The following TNN variants were observed in gnomAD, a reference collection of about 807,000 sequenced individuals.
The protein encoded by TNN is tenascin N, also known as tenascin-N.
TNN carries 122 observed loss-of-function variants against 134.4 expected under a neutral mutation model. That is an observed-to-expected ratio of 0.91 (90% CI 0.78 to 1.06). TNN has a LOEUF of 1.06. Ranked by LOEUF, TNN falls within the 50% of genes least tolerant of loss-of-function variation. The probability of loss-of-function intolerance (pLI) is 0.00; values close to 1 mark genes in which losing one functional copy is unlikely to be tolerated. For synonymous variants in TNN, 710 were observed against 670.3 expected (o/e 1.06, Z -0.91); for missense variants, 1,739 against 1,699.4 (o/e 1.02, Z -0.41).
In TNN at chr1:175,144,620, CA is replaced by C. The variant is rs538204597; in HGVS notation, c.3759+71del. ...ATTCAGCTTCCAAATGGACACCCTC[CA>C]GGCCAGTCTGGCAGCCCCTCTCCTT... On this transcript the variant is annotated intron_variant, in intron 18 of 18. Transcript: ENST00000239462. The C allele has an allele frequency of 2.8e-5, 42 of 1,504,740 alleles. 1 individual carries two copies. In the East Asian group the frequency reaches 9.5e-4, roughly 34 times the overall value. 93.2% of individuals were successfully genotyped at this position (1,504,740 alleles called of 1,614,324 possible). A position where few individuals can be genotyped will look rare whatever the true frequency, so the allele number is the denominator to read the frequency against.
chr1:175,128,133 G>A lies in TNN; in HGVS notation c.3147G>A (p.Arg1049=), dbSNP rs1675577864. ...TTGTTGCCTTTAAGGGTGGTCGCCG[G>A]AGCAGAAATGTATCCACCACCCTCT... The part of the protein sequence containing the change: ...VSLVAFKGGR[R]SRNVSTTLST... The change falls in exon 14 of 19, where the codon CGG becomes CGA. Residue 1049 remains arginine (R), a synonymous_variant. Coordinates refer to ENST00000239462, the MANE Select transcript of TNN (RefSeq NM_022093.2). The A allele has an allele frequency of 1.2e-6, 2 of 1,611,366 alleles. No individual in the cohort carries two copies. The highest frequency in any genetic ancestry group is 1.7e-6 in the Non-Finnish European group (2 of 1,178,636).
chr1:175,101,735 A>G (rs1047690528), intron 9 of TNN, among the ~76,000 whole-genome samples: 1 of 148,396 alleles, frequency 6.7e-6, no homozygotes, highest in Admixed American at 6.7e-5. Flanking sequence ...TGCACTCACA[A>G]ACCTTGAGCT....
chr1:175,130,209 T>C (rs1303725128), intron 15 of TNN, among the ~76,000 whole-genome samples: 1 of 152,210 alleles, frequency 6.6e-6, no homozygotes, highest in Non-Finnish European at 1.5e-5. Flanking sequence ...CATGATCTCA[T>C]AGTGCTCAAA....
At chr1:175,134,311 C>A (rs576566229) in intron 15 of TNN, among the ~76,000 whole-genome samples, 2 of 152,142 alleles carry the variant, frequency 1.3e-5, no homozygotes, top group Non-Finnish European at 2.9e-5. Context: ...CTTTGGGAGG[C>A]TGAGGTGGGT....
chr1:175,079,361 G>T lies in TNN; in HGVS notation c.438G>T (p.Gly146=). ...TAAGCCGCCACTGCAGCGGCCACGG[G>T]ACCTTCTCCCTGGAGACCTGCAGCT... ...TDLSRHCSGH[G]TFSLETCSCH... Residue 146 remains glycine (G), a synonymous_variant, in exon 3 of 19, where the codon GGG becomes GGT. Coordinates refer to ENST00000239462, the MANE Select transcript of TNN (RefSeq NM_022093.2). 6.3e-7 allele frequency: 1 copy of T among 1,596,440 alleles called. No homozygotes were observed. Among genetic ancestry groups the T allele is most frequent in the Non-Finnish European group, 8.5e-7 (1 of 1,176,752 alleles).
intron 1 of TNN, among the ~76,000 whole-genome samples, chr1:175,070,644 T>A (rs987265473): frequency 2.0e-5 from 3 of 152,258 alleles, no homozygotes; most frequent in Non-Finnish European, 4.4e-5. Context: ...CAATCCTATA[T>A]TCAACATCAC....
chr1:175,115,155 G>A (rs1331093727), intron 9 of TNN, among the ~76,000 whole-genome samples: 1 of 152,074 alleles, frequency 6.6e-6, no homozygotes, highest in African/African-American at 2.4e-5. Flanking sequence ...AGGGTACTAT[G>A]TCAGCACAGC....
At chr1:175,110,112 T>A (rs1674982621) in intron 9 of TNN, among the ~76,000 whole-genome samples, 1 of 152,236 alleles carries the variant, frequency 6.6e-6, no homozygotes, top group Non-Finnish European at 1.5e-5. Flanking sequence ...ATTAGTGATG[T>A]TGAACATTTT....
chr1:175,136,500 C>T (rs907274949), intron 16 of TNN, among the ~76,000 whole-genome samples: 5 of 152,170 alleles, frequency 3.3e-5, no homozygotes, highest in East Asian at 1.9e-4. Context: ...TAGGATGAGT[C>T]GTTGACCTGC....
intron 1 of TNN, among the ~76,000 whole-genome samples, chr1:175,070,941 G>A (rs1471730468): frequency 7.2e-5 from 11 of 152,184 alleles, no homozygotes; most frequent in Admixed American, 5.2e-4. Context: ...GCCAAAGAGA[G>A]TTAAGGAAGG....
chr1:175,111,618 T>C (rs1675028880), intron 9 of TNN, among the ~76,000 whole-genome samples: 1 of 152,098 alleles, frequency 6.6e-6, no homozygotes, highest in African/African-American at 2.4e-5. Context: ...ATTCTTCCCA[T>C]TCATAGACAT....
chr1:175,102,286 C>T (rs1289965740), intron 9 of TNN, among the ~76,000 whole-genome samples: 3 of 146,344 alleles, frequency 2.0e-5, no homozygotes, highest in African/African-American at 4.9e-5. Flanking sequence ...CTGCCAGTCC[C>T]GCGCCATGAA....
chr1:175,072,171 T>C (rs1034821588), intron 1 of TNN, among the ~76,000 whole-genome samples: 10 of 152,214 alleles, frequency 6.6e-5, no homozygotes, highest in African/African-American at 2.4e-4. Context: ...GTCAGTCGTG[T>C]ACTCCTCAAA....
intron 9 of TNN, among the ~76,000 whole-genome samples, chr1:175,110,667 GT>G (rs1674995343): frequency 6.6e-6 from 1 of 152,194 alleles, no homozygotes; most frequent in Non-Finnish European, 1.5e-5. Context: ...TCAAAAATCA[GT>G]TGGCAGTAAA....
At chr1:175,079,033 T>C (rs1674122800) in intron 2 of TNN, among the ~76,000 whole-genome samples, 1 of 152,034 alleles carries the variant, frequency 6.6e-6, no homozygotes, top group African/African-American at 2.4e-5. Flanking sequence ...ACCGGGGAAT[T>C]CACACGGGAA....
intron 14 of TNN, among the ~76,000 whole-genome samples, 186 bp from the exon 15 acceptor site, chr1:175,128,409 A>T (rs1310747807): frequency 6.6e-6 from 1 of 152,172 alleles, no homozygotes; most frequent in Non-Finnish European, 1.5e-5. Context: ...TGTGAACTTG[A>T]CCTTTTCCTG....
chr1:175,083,163 C>T (rs1052454893), intron 4 of TNN, among the ~76,000 whole-genome samples: 1 of 152,112 alleles, frequency 6.6e-6, no homozygotes, highest in Non-Finnish European at 1.5e-5. Context: ...TCAGATGGAC[C>T]AAGTTAAAAT....
intron 9 of TNN, among the ~76,000 whole-genome samples, chr1:175,107,728 G>C (rs1674895928): frequency 7.4e-6 from 1 of 135,592 alleles, no homozygotes; most frequent in South Asian, 2.7e-4. Context: ...AGAGCCGAGT[G>C]GCCTGTTTTG....
chr1:175,100,636 G>A (rs752701661), intron 9 of TNN, among the ~76,000 whole-genome samples: 4 of 152,250 alleles, frequency 2.6e-5, no homozygotes, highest in South Asian at 2.1e-4. Context: ...GTAATAGGAC[G>A]TATGAGCAAG....
Sources: allele counts gnomAD v4.1 joint callset (sites outside exome capture counted in the v4.1 genomes callset), GRCh38; gene constraint gnomAD v4.1.1; transcripts MANE v1.5; gene names NCBI Gene and HGNC (gene_info 2026-07-23, HGNC 2026-07-21).